The following DIAPH3 variants were observed in gnomAD, a reference collection of about 807,000 sequenced individuals.
DIAPH3 encodes protein diaphanous homolog 3.
In DIAPH3, 117 loss-of-function variants were observed where a neutral mutation model predicts 144.3. The ratio of observed to expected loss-of-function variants is 0.81; its 90% CI spans 0.70 to 0.95. The LOEUF is 0.95. DIAPH3 is among the 40% of genes least tolerant of loss of function. The pLI is 0.00. For synonymous variants in DIAPH3, 519 were observed against 488.9 expected (o/e 1.06, Z -0.81); for missense variants, 1,421 against 1,412.7 (o/e 1.01, Z -0.09).
chr13:59,895,775 A>G (rs1459133327), intron 20 of DIAPH3, among the ~76,000 whole-genome samples: 3 of 152,210 alleles, frequency 2.0e-5, no homozygotes, highest in Non-Finnish European at 4.4e-5. Flanking sequence ...AGGCCTACTC[A>G]AGAGAAGTCA....
chr13:60,001,510 A>C (rs1053369377), intron 9 of DIAPH3, among the ~76,000 whole-genome samples: 1 of 152,168 alleles, frequency 6.6e-6, no homozygotes, highest in East Asian at 1.9e-4. Context: ...AGAACTGTAA[A>C]ATTTATCAGC....
chr13:60,134,061 G>A (rs1039075715), intron 1 of DIAPH3, among the ~76,000 whole-genome samples: 6 of 152,180 alleles, frequency 3.9e-5, no homozygotes, highest in African/African-American at 1.4e-4. Context: ...TCTGTACAAT[G>A]TAAATCACCA....
chr13:59,885,700 A>G (rs1026654982), intron 20 of DIAPH3, among the ~76,000 whole-genome samples: 4 of 152,088 alleles, frequency 2.6e-5, no homozygotes, highest in Non-Finnish European at 5.9e-5. Context: ...ATTTGGAAAC[A>G]GTTTTAGCAT....
chr13:59,963,989 A>G (rs1024311213), intron 17 of DIAPH3, among the ~76,000 whole-genome samples: 4 of 152,248 alleles, frequency 2.6e-5, no homozygotes, highest in African/African-American at 9.6e-5. Context: ...GATGCAGACA[A>G]GGCAAAGAAC....
In DIAPH3 at chr13:59,705,791, T is replaced by C. The variant is rs140614072; in HGVS notation, c.3320-38945A>G. Among the ~76,000 whole-genome samples, 334 of 152,298 alleles carry C rather than the reference T, an allele frequency of 2.2e-3. 2 individuals are homozygous for C. Among genetic ancestry groups the C allele is most frequent in the African/African-American group, 7.7e-3 (320 of 41,564 alleles). ...GGAATATAGGGAAATATATTACTAA[T>C]TGTTATGGTAAATGAGATTATTGAG... On this transcript the variant is annotated intron_variant, in intron 27 of 27. Transcript: ENST00000400324.
intron 14 of DIAPH3, among the ~76,000 whole-genome samples, chr13:59,975,592 AC>A (rs1367013504): frequency 6.6e-6 from 1 of 151,814 alleles, no homozygotes; most frequent in Non-Finnish European, 1.5e-5. Context: ...TTTTCCACAT[AC>A]CCCCAACCCT....
intron 4 of DIAPH3, among the ~76,000 whole-genome samples, chr13:60,070,925 G>C (rs1010070929): frequency 6.6e-6 from 1 of 152,122 alleles, no homozygotes; most frequent in Non-Finnish European, 1.5e-5. Flanking sequence ...ATGTACAATA[G>C]CTAAAGCTTT....
chr13:59,758,749 G>C (rs976453327), intron 27 of DIAPH3, among the ~76,000 whole-genome samples: 1 of 151,688 alleles, frequency 6.6e-6, no homozygotes, highest in African/African-American at 2.4e-5. Context: ...AGTGAAGAGG[G>C]GGCTTCACAG....
intron 21 of DIAPH3, among the ~76,000 whole-genome samples, chr13:59,863,310 G>T (rs1273338279): frequency 6.6e-6 from 1 of 151,974 alleles, no homozygotes; most frequent in East Asian, 1.9e-4. Context: ...TTTTCTACCA[G>T]AATTTAATTT....
intron 21 of DIAPH3, among the ~76,000 whole-genome samples, chr13:59,866,184 A>C (rs1346265116): frequency 6.6e-6 from 1 of 151,978 alleles, no homozygotes; most frequent in African/African-American, 2.4e-5. Flanking sequence ...ACTTACCATG[A>C]GACAGACATT....
chr13:59,908,569 C>T (rs947793413), intron 20 of DIAPH3, among the ~76,000 whole-genome samples: 1 of 151,814 alleles, frequency 6.6e-6, no homozygotes, highest in Admixed American at 6.6e-5. Context: ...TTAACTAATT[C>T]TTATGGAGAA....
intron 4 of DIAPH3, among the ~76,000 whole-genome samples, chr13:60,071,945 C>T (rs1256533329): frequency 6.6e-6 from 1 of 152,102 alleles, no homozygotes; most frequent in African/African-American, 2.4e-5. Flanking sequence ...CTCACCCAAA[C>T]CTCCCCCAAT....
rs868442278 is a variant in DIAPH3 at position 59,841,342 on chromosome 13, G to A, written c.2738-1894C>T. Among the ~76,000 whole-genome samples, 3 of 152,126 alleles carry A rather than the reference G, an allele frequency of 2.0e-5. No individual in the cohort carries two copies. In the Middle Eastern group the frequency reaches 0.01, roughly 521 times the overall value. ...ATGGTGATGCACATCTGTAATCCTAGCACTTTAGGAGCTGAGGTAGGAGGA... is the reference window on the plus strand; with the variant it reads ...ATGGTGATGCACATCTGTAATCCTAACACTTTAGGAGCTGAGGTAGGAGGA... On this transcript the variant is annotated intron_variant, in intron 22 of 27. Transcript: ENST00000400324.
intron 17 of DIAPH3, among the ~76,000 whole-genome samples, chr13:59,947,137 C>T (rs1406012757): frequency 6.6e-6 from 1 of 152,120 alleles, no homozygotes; most frequent in Non-Finnish European, 1.5e-5. Flanking sequence ...TTTTTTCATC[C>T]CACTTTCGAG....
chr13:59,737,903 A>G (rs549593072), intron 27 of DIAPH3, among the ~76,000 whole-genome samples: 1 of 152,284 alleles, frequency 6.6e-6, no homozygotes, highest in East Asian at 1.9e-4. Context: ...ACAGTGGCTC[A>G]TGGCTATAAT....
intron 22 of DIAPH3, among the ~76,000 whole-genome samples, chr13:59,860,944 A>G (rs958573970): frequency 5.9e-5 from 9 of 152,090 alleles, no homozygotes; most frequent in Non-Finnish European, 1.3e-4. Flanking sequence ...CTCTGGCAGT[A>G]TGGTGTCTTC....
chr13:59,837,565 G>A (rs994274943), intron 23 of DIAPH3: 12 of 153,978 alleles, frequency 7.8e-5, no homozygotes, highest in African/African-American at 2.9e-4. Flanking sequence ...TATCTATAGG[G>A]AACAATAATA....
At chr13:59,991,975 A>T in intron 11 of DIAPH3, 93 bp downstream of exon 11, 1 of 970,860 alleles carries the variant, frequency 1.0e-6, no homozygotes, top group Non-Finnish European at 1.7e-6. Flanking sequence ...CATGTTGTTT[A>T]TATAGAAATG....
At chr13:59,874,962 T>G (rs1831189462) in intron 21 of DIAPH3, among the ~76,000 whole-genome samples, 1 of 152,200 alleles carries the variant, frequency 6.6e-6, no homozygotes, top group Non-Finnish European at 1.5e-5. Flanking sequence ...TAACATCTTC[T>G]TAAATTTACA....
Sources: gnomAD v4.1 joint callset for allele counts (sites outside exome capture counted in the v4.1 genomes callset) on GRCh38, gnomAD v4.1.1 for gene constraint, MANE v1.5 for transcripts, NCBI Gene and HGNC (gene_info 2026-07-23, HGNC 2026-07-21) for gene names.